PCOLCE2: variants seen among roughly 807,000 people sequenced by gnomAD.
The protein encoded by PCOLCE2 is procollagen C-endopeptidase enhancer 2, also known as procollagen C-proteinase enhancer 2.
A neutral mutation model predicts 47.0 loss-of-function variants in PCOLCE2; 42 were observed. The ratio of observed to expected loss-of-function variants is 0.89; its 90% CI spans 0.70 to 1.16. The LOEUF is 1.16. Among genes scored for constraint, PCOLCE2 ranks in the 50% most tolerant of loss-of-function variants. PCOLCE2 has a pLI of 0.00. For synonymous variants in PCOLCE2, 169 were observed against 191.7 expected (o/e 0.88, Z 0.98); for missense variants, 500 against 526.1 (o/e 0.95, Z 0.49).
chr3:142,856,796 T>A (rs963347757), intron 2 of PCOLCE2, among the ~76,000 whole-genome samples: 1 of 152,124 alleles, frequency 6.6e-6, no homozygotes, highest in Non-Finnish European at 1.5e-5. Flanking sequence ...ACTGTGGACA[T>A]AAGTGGTGGC....
intron 2 of PCOLCE2, among the ~76,000 whole-genome samples, chr3:142,884,722 C>A (rs762954354): frequency 1.1e-4 from 16 of 152,310 alleles, no homozygotes; most frequent in Middle Eastern, 3.4e-3. Flanking sequence ...TAGCAGCTTC[C>A]CTATTTGCAA....
At chr3:142,856,145 C>T (rs1381744245) in intron 2 of PCOLCE2, among the ~76,000 whole-genome samples, 1 of 152,156 alleles carries the variant, frequency 6.6e-6, no homozygotes, top group Non-Finnish European at 1.5e-5. Flanking sequence ...ATCAGCTTTG[C>T]CTAACTGTAT....
Position 142,889,015 on chromosome 3 carries a change from G to A in PCOLCE2, c.-119C>T. The A allele has an allele frequency of 3.7e-6, 1 of 272,734 alleles. No homozygotes were observed. Among genetic ancestry groups the A allele is most frequent in the Non-Finnish European group, 6.9e-6 (1 of 144,886 alleles). The allele number at this position is 272,734 out of a possible 1,614,324, so 16.9% of individuals were successfully genotyped here. ...GGCAGCAGCGCTGGCTCACACCGGCGCTCGGCTGCCCGCGCGCTCCCTCTC... is the reference window on the plus strand; with the variant it reads ...GGCAGCAGCGCTGGCTCACACCGGCACTCGGCTGCCCGCGCGCTCCCTCTC... On this transcript the variant is annotated 5_prime_UTR_variant, in exon 1 of 9. Coordinates refer to ENST00000295992, the MANE Select transcript of PCOLCE2 (RefSeq NM_013363.4).
chr3:142,887,833 G>T, intron 1 of PCOLCE2, 56 bp from the exon 2 acceptor site: 2 of 940,792 alleles, frequency 2.1e-6, no homozygotes, highest in South Asian at 2.7e-5. Flanking sequence ...CTAACAATCT[G>T]ATGTTACCTT....
intron 1 of PCOLCE2, among the ~76,000 whole-genome samples, 170 bp from the exon 2 acceptor site, chr3:142,887,947 A>G (rs920745320): frequency 2.8e-4 from 42 of 152,248 alleles, no homozygotes; most frequent in African/African-American, 8.9e-4. Flanking sequence ...GAATATTTAA[A>G]TTATAGCCTG....
intron 2 of PCOLCE2, among the ~76,000 whole-genome samples, chr3:142,862,792 T>G (rs1393002451): frequency 1.3e-5 from 2 of 152,124 alleles, no homozygotes; most frequent in Non-Finnish European, 2.9e-5. Context: ...CTGTAATGGC[T>G]TTATACTATT....
At chr3:142,857,889 C>T (rs180950395) in intron 2 of PCOLCE2, among the ~76,000 whole-genome samples, 30 of 152,332 alleles carry the variant, frequency 2.0e-4, no homozygotes, top group African/African-American at 6.0e-4. Flanking sequence ...GGCTAACATT[C>T]TGGCCTCATC....
intron 7 of PCOLCE2, among the ~76,000 whole-genome samples, chr3:142,822,858 T>C (rs903017523): frequency 6.6e-6 from 1 of 152,186 alleles, no homozygotes; most frequent in Non-Finnish European, 1.5e-5. Context: ...ATTTAGGCCA[T>C]AGCAACTTGC....
intron 2 of PCOLCE2, among the ~76,000 whole-genome samples, chr3:142,866,601 T>C (rs1043153690): frequency 3.9e-5 from 6 of 152,224 alleles, no homozygotes; most frequent in Non-Finnish European, 7.3e-5. Context: ...TTGAAAAATA[T>C]GAATCATAAC....
chr3:142,865,981 G>C (rs1933275175), intron 2 of PCOLCE2, among the ~76,000 whole-genome samples: 1 of 152,212 alleles, frequency 6.6e-6, no homozygotes, highest in Non-Finnish European at 1.5e-5. Flanking sequence ...GAACAGAAGA[G>C]AGTCCAGAAA....
At chr3:142,866,734 G>A (rs1933288649) in intron 2 of PCOLCE2, among the ~76,000 whole-genome samples, 1 of 152,110 alleles carries the variant, frequency 6.6e-6, no homozygotes, top group South Asian at 2.1e-4. Flanking sequence ...AATTATTTTA[G>A]GCAGCTAGAA....
chr3:142,843,362 A>G (rs200233881), intron 3 of PCOLCE2: 2 of 457,300 alleles, frequency 4.4e-6, no homozygotes, highest in East Asian at 1.3e-4. Flanking sequence ...GAAAGCTTGC[A>G]GGCTCAAAAA....
intron 5 of PCOLCE2, among the ~76,000 whole-genome samples, chr3:142,830,594 T>C (rs925711988): frequency 4.6e-5 from 7 of 152,332 alleles, no homozygotes; most frequent in Admixed American, 2.0e-4. Context: ...AATGGCATCA[T>C]TGATTAAGAG....
chr3:142,841,930 A>G (rs1937267583), intron 4 of PCOLCE2, among the ~76,000 whole-genome samples: 1 of 152,192 alleles, frequency 6.6e-6, no homozygotes, highest in East Asian at 1.9e-4. Context: ...TTTCTATGCT[A>G]AGTTCTTTCC....
chr3:142,887,724 C>A lies in PCOLCE2; in HGVS notation c.137G>T (p.Ser46Ile). 6.2e-7 allele frequency: 1 copy of A among 1,610,184 alleles called. No individual in the cohort carries two copies. Among genetic ancestry groups the A allele is most frequent in the Non-Finnish European group, 8.5e-7 (1 of 1,176,532 alleles). The change falls in exon 2 of 9, where the codon AGT becomes ATT. Residue 46 changes from serine to isoleucine, a missense_variant. Transcript: ENST00000295992. ...AGGGTACACTCCAGGAAAACCTTCA[C>A]TGCCAATAAATCCAGACTCTCCAGT... ...ILTGESGFIG[S>I]EGFPGVYPPN...
intron 7 of PCOLCE2, 24 bp downstream of exon 7, chr3:142,823,506 GAA>G: frequency 7.0e-7 from 1 of 1,423,028 alleles, no homozygotes; most frequent in African/African-American, 1.4e-5. Context: ...TGGTTAAAGA[GAA>G]AAAGACTGGC....
intron 1 of PCOLCE2, 81 bp downstream of exon 1, chr3:142,888,733 G>A: frequency 1.1e-6 from 1 of 872,296 alleles, no homozygotes. Context: ...GCCGAAGCGG[G>A]TTGAGTAAAG....
chr3:142,871,784 T>C (rs1933389647), intron 2 of PCOLCE2, among the ~76,000 whole-genome samples: 1 of 152,258 alleles, frequency 6.6e-6, no homozygotes, highest in African/African-American at 2.4e-5. Context: ...AAGCTCTTTA[T>C]ATGTGTATAT....
intron 1 of PCOLCE2, among the ~76,000 whole-genome samples, chr3:142,888,240 G>A (rs1933751282): frequency 6.6e-6 from 1 of 152,214 alleles, no homozygotes; most frequent in Admixed American, 6.5e-5. Flanking sequence ...CTCGCCATTG[G>A]CAGAGCTTCC....
Sources: allele counts gnomAD v4.1 joint callset (sites outside exome capture counted in the v4.1 genomes callset), GRCh38; gene constraint gnomAD v4.1.1; transcripts MANE v1.5; gene names NCBI Gene and HGNC (gene_info 2026-07-23, HGNC 2026-07-21).